The following NAALADL2 variants were observed in gnomAD, a reference collection of about 807,000 sequenced individuals.
NAALADL2 encodes N-acetylated alpha-linked acidic dipeptidase like 2, also known as inactive N-acetylated-alpha-linked acidic dipeptidase-like protein 2.
A neutral mutation model predicts 87.2 loss-of-function variants in NAALADL2; 76 were observed. That is an observed-to-expected ratio of 0.87 (90% CI 0.72 to 1.05). NAALADL2 has a LOEUF of 1.05. Ranked by LOEUF, NAALADL2 falls within the 50% of genes least tolerant of loss-of-function variation. The pLI is 0.00. For missense variants in NAALADL2, 1,089 were observed against 945.8 expected, an observed-to-expected ratio of 1.15 and a Z score of -1.99; for synonymous variants, 354 against 331.0, an observed-to-expected ratio of 1.07 and a Z score of -0.75.
chr3:174,858,725 A>G (rs1020052303), upstream of NAALADL2, among the ~76,000 whole-genome samples: 4 of 151,944 alleles, frequency 2.6e-5, no homozygotes, highest in Non-Finnish European at 5.9e-5. Flanking sequence ...TTTTTTGTTT[A>G]TTGTCCATTA....
intron 2 of NAALADL2, among the ~76,000 whole-genome samples, chr3:175,116,401 C>T (rs935061478): frequency 6.6e-6 from 1 of 151,992 alleles, no homozygotes; most frequent in Non-Finnish European, 1.5e-5. Context: ...GATACAAAAT[C>T]AATGTGCAAA....
intron 4 of NAALADL2, among the ~76,000 whole-genome samples, chr3:175,287,323 A>T (rs1259378895): frequency 6.6e-6 from 1 of 152,200 alleles, no homozygotes; most frequent in Non-Finnish European, 1.5e-5. Context: ...AGCAATGTGC[A>T]AAAATAATAT....
At chr3:174,547,142 T>C (rs1711507053) in intron 1 of NAALADL2, among the ~76,000 whole-genome samples, 1 of 152,166 alleles carries the variant, frequency 6.6e-6, no homozygotes, top group African/African-American at 2.4e-5. Flanking sequence ...TTTCTTTCTA[T>C]AAGTTTTCTC....
At chr3:175,380,829 CTG>C (rs941173823) in intron 5 of NAALADL2, among the ~76,000 whole-genome samples, 2 of 152,050 alleles carry the variant, frequency 1.3e-5, no homozygotes, top group Non-Finnish European at 2.9e-5. Flanking sequence ...TATACGAACT[CTG>C]TGTCTGAAAA....
intron 2 of NAALADL2, among the ~76,000 whole-genome samples, chr3:174,629,032 G>A (rs60660228): frequency 0.52 from 79,611 of 152,034 alleles, 21,838 homozygotes; most frequent in African/African-American, 0.68. Context: ...GTTTAGTCCT[G>A]CTAAATAAAA....
intron 3 of NAALADL2, among the ~76,000 whole-genome samples, chr3:174,770,232 T>C (rs1274169691): frequency 2.0e-5 from 3 of 152,182 alleles, no homozygotes; most frequent in African/African-American, 7.2e-5. Flanking sequence ...AAACTTGATA[T>C]TAGACTTTAT....
chr3:174,541,805 A>G (rs1206910099), intron 1 of NAALADL2, among the ~76,000 whole-genome samples: 1 of 152,212 alleles, frequency 6.6e-6, no homozygotes, highest in Admixed American at 6.5e-5. Flanking sequence ...ACTGCTGATG[A>G]TGCAGGGCAG....
At chr3:174,597,219 C>T (rs1400418019) in intron 2 of NAALADL2, among the ~76,000 whole-genome samples, 1 of 152,176 alleles carries the variant, frequency 6.6e-6, no homozygotes, top group African/African-American at 2.4e-5. Context: ...ACAGCACATG[C>T]TTAATTCTTT....
rs1387799811 is a variant in NAALADL2 at position 174,743,455 on chromosome 3, GAA to G, written c.-9+5713_-9+5714del. Among the ~76,000 whole-genome samples the G allele has an allele frequency of 6.6e-5, 10 of 151,682 alleles. No individual in the cohort carries two copies. In the South Asian group the frequency reaches 1.7e-3, roughly 25 times the overall value. ...ATTATAGTTTTACTAAATAAATAATGAAAAAGTCTTCTAACTTGGCTATACTT... is the reference window on the plus strand; with the variant it reads ...ATTATAGTTTTACTAAATAAATAATGAAAGTCTTCTAACTTGGCTATACTT... On this transcript the variant is annotated intron_variant, in intron 3 of 3. Coordinates refer to the NAALADL2 transcript ENST00000434257.
At chr3:175,070,363 G>A (rs1715403218) in intron 1 of NAALADL2, among the ~76,000 whole-genome samples, 1 of 151,832 alleles carries the variant, frequency 6.6e-6, no homozygotes, top group African/African-American at 2.4e-5. Context: ...AACACTATTA[G>A]GTTAGCTTTT....
At chr3:175,709,016 CTAAT>C (rs1740143060) in intron 11 of NAALADL2, among the ~76,000 whole-genome samples, 1 of 151,886 alleles carries the variant, frequency 6.6e-6, no homozygotes. Context: ...TTTGTATACA[CTAAT>C]TGAGTATGCT....
chr3:174,627,713 A>T (rs528869), intron 2 of NAALADL2, among the ~76,000 whole-genome samples: 70,368 of 152,090 alleles, frequency 0.46, 16,783 homozygotes, highest in East Asian at 0.75. Flanking sequence ...TGACTGGATT[A>T]AAAATGTGGT....
At chr3:175,345,787 A>G (rs941739687) in intron 5 of NAALADL2, among the ~76,000 whole-genome samples, 1 of 152,158 alleles carries the variant, frequency 6.6e-6, no homozygotes, top group Admixed American at 6.6e-5. Context: ...AGGATGTTTA[A>G]TAACCAGATG....
chr3:175,401,887 G>A (rs1770607660), intron 5 of NAALADL2, among the ~76,000 whole-genome samples: 2 of 151,996 alleles, frequency 1.3e-5, no homozygotes. Context: ...TCCAGTAGAC[G>A]ATCATGAGTA....
At chr3:174,954,758 A>G (rs919761552) in intron 1 of NAALADL2, among the ~76,000 whole-genome samples, 1 of 152,108 alleles carries the variant, frequency 6.6e-6, no homozygotes, top group Non-Finnish European at 1.5e-5. Flanking sequence ...GAATGGGAAC[A>G]TTCGATGACC....
At chr3:175,787,387 G>A (rs1027153782) in intron 13 of NAALADL2, among the ~76,000 whole-genome samples, 1 of 152,158 alleles carries the variant, frequency 6.6e-6, no homozygotes, top group African/African-American at 2.4e-5. Flanking sequence ...AGGACCCTCC[G>A]AGCCAGGTGC....
intron 5 of NAALADL2, among the ~76,000 whole-genome samples, chr3:175,434,196 T>C (rs1718247375): frequency 6.6e-6 from 1 of 152,028 alleles, no homozygotes; most frequent in African/African-American, 2.4e-5. Flanking sequence ...TGTATGCATG[T>C]AACTACAAAG....
chr3:174,838,021 G>GAAAAAAAAAAAAAAACAAAAAAAA (rs77681462), intron 3 of NAALADL2, among the ~76,000 whole-genome samples: 1 of 71,934 alleles, frequency 1.4e-5, no homozygotes. Context: ...AACCAAAAAA[G>GAAAAAAAAAAAAAAACAAAAAAAA]AAAAAAAAAA....
intron 3 of NAALADL2, among the ~76,000 whole-genome samples, chr3:174,741,666 A>G (rs981098698): frequency 4.6e-4 from 70 of 151,546 alleles, no homozygotes; most frequent in African/African-American, 1.7e-3. Context: ...AAGGGGAAAA[A>G]CTCCAACTCA....
Sources: allele counts gnomAD v4.1 joint callset (sites outside exome capture counted in the v4.1 genomes callset), GRCh38; gene constraint gnomAD v4.1.1; transcripts MANE v1.5; gene names NCBI Gene and HGNC (gene_info 2026-07-23, HGNC 2026-07-21).